PTPRK: variants seen among roughly 807,000 people sequenced by gnomAD.
The protein encoded by PTPRK is protein tyrosine phosphatase receptor type K.
PTPRK carries 75 observed loss-of-function variants against 178.0 expected under a neutral mutation model. That is an observed-to-expected ratio of 0.42 (90% CI 0.35 to 0.51). The LOEUF is 0.51. Ranked by LOEUF, PTPRK falls within the 20% of genes least tolerant of loss-of-function variation. The pLI is 0.02. For synonymous variants in PTPRK, 637 were observed against 620.6 expected (o/e 1.03, Z -0.39); for missense variants, 1,441 against 1,797.8 (o/e 0.80, Z 3.59).
At position 128,082,608 on chromosome 6, in the gene PTPRK, G is replaced by A; in HGVS notation, c.1606C>T (p.Pro536Ser). Residue 536 changes from proline to serine, a missense_variant, in exon 10 of 30, where the codon CCT (proline) becomes TCT (serine). By Grantham distance (74) the Pro-to-Ser change is moderately conservative. Around this residue, in one of 4 missense-constraint regions of PTPRK, gnomAD observed 945 missense variants for 1,080.6 expected, o/e 0.87. Transcript: ENST00000368226. ...GGAGGTCCAGCCACTGGAACTGCAG[G>A]ATCAAATGATCTTATACTGCTATAG... ...ISYSSIRSFD[P>S]AVPVAGPPQT... 1 of 1,610,600 alleles carries A rather than the reference G, an allele frequency of 6.2e-7. No individual in the cohort carries two copies. The highest frequency in any genetic ancestry group is 8.5e-7 in the Non-Finnish European group (1 of 1,177,254).
At chr6:128,015,872 T>C (rs988122479) in intron 13 of PTPRK, among the ~76,000 whole-genome samples, 6 of 151,832 alleles carry the variant, frequency 4.0e-5, no homozygotes, top group African/African-American at 1.4e-4. Flanking sequence ...ACCAGCAGCG[T>C]ATGCCAACCC....
chr6:128,115,731 T>C (rs186062030), intron 7 of PTPRK, among the ~76,000 whole-genome samples: 1 of 152,254 alleles, frequency 6.6e-6, no homozygotes, highest in Non-Finnish European at 1.5e-5. Context: ...ATTTTATTAT[T>C]AGTTTATAAC....
chr6:128,452,465 T>C (rs557619265), intron 1 of PTPRK, among the ~76,000 whole-genome samples: 32 of 152,294 alleles, frequency 2.1e-4, no homozygotes, highest in African/African-American at 7.5e-4. Context: ...TAAAATTATA[T>C]ACCTATACAA....
chr6:128,372,234 T>G (rs1836401476), intron 2 of PTPRK, among the ~76,000 whole-genome samples: 1 of 152,182 alleles, frequency 6.6e-6, no homozygotes, highest in Non-Finnish European at 1.5e-5. Context: ...TGCTAGCAGT[T>G]GCCTATAGCA....
chr6:127,985,005 A>G (rs891654001), intron 22 of PTPRK, among the ~76,000 whole-genome samples: 6 of 152,176 alleles, frequency 3.9e-5, no homozygotes, highest in Admixed American at 2.6e-4. Flanking sequence ...GGTACAACCT[A>G]TTATGTAGCT....
At chr6:128,054,841 G>C (rs1582755746) in intron 13 of PTPRK, among the ~76,000 whole-genome samples, 1 of 152,278 alleles carries the variant, frequency 6.6e-6, no homozygotes, top group East Asian at 1.9e-4. Context: ...CCACGGACTA[G>C]GGGTCAGGAG....
intron 13 of PTPRK, among the ~76,000 whole-genome samples, chr6:128,032,955 C>T (rs997108821): frequency 6.6e-6 from 1 of 152,054 alleles, no homozygotes; most frequent in Non-Finnish European, 1.5e-5. Flanking sequence ...TTTTTGGTAA[C>T]CCAGAGGTAC....
chr6:128,061,938 T>C lies in PTPRK; in HGVS notation c.2194+2820A>G, dbSNP rs1780910621. 3 of 152,174 alleles carry C rather than the reference T, an allele frequency of 2.0e-5. No individual in the cohort carries two copies. The South Asian group carries it at 6.2e-4, about 32-fold the overall frequency. The allele number at this position is 152,174 out of a possible 1,614,324, so 9.4% of individuals were successfully genotyped here. A position where few individuals can be genotyped will look rare whatever the true frequency, so the allele number is the denominator to read the frequency against. On this transcript the variant is annotated intron_variant, in intron 13 of 29. Transcript: ENST00000368226. ...AAGTGCACACATTTTAAATGTACAGTTGGACAGATTTTTACCTACATATGC... is the reference window on the plus strand; with the variant it reads ...AAGTGCACACATTTTAAATGTACAGCTGGACAGATTTTTACCTACATATGC...
At chr6:128,467,609 C>T (rs915832339) in intron 1 of PTPRK, among the ~76,000 whole-genome samples, 1 of 152,210 alleles carries the variant, frequency 6.6e-6, no homozygotes, top group African/African-American at 2.4e-5. Flanking sequence ...CCGGTGATCA[C>T]TTACTTCTCT....
At chr6:128,069,553 T>G (rs912892161) in intron 11 of PTPRK, among the ~76,000 whole-genome samples, 2 of 152,216 alleles carry the variant, frequency 1.3e-5, no homozygotes, top group African/African-American at 2.4e-5. Context: ...ATTATACATT[T>G]GCATGTCCTG....
intron 3 of PTPRK, among the ~76,000 whole-genome samples, chr6:128,277,913 TATGAGAAC>T (rs949498316): frequency 5.3e-5 from 8 of 152,052 alleles, no homozygotes; most frequent in African/African-American, 1.9e-4. Flanking sequence ...ATGGGCATGA[TATGAGAAC>T]ATGAGAACAA....
At chr6:128,345,604 T>C (rs9388629) in intron 2 of PTPRK, among the ~76,000 whole-genome samples, 6,184 of 152,298 alleles carry the variant, frequency 0.041, 393 homozygotes, top group East Asian at 0.33. Flanking sequence ...AATTAGGTTA[T>C]GATGCGAAGC....
chr6:128,124,390 C>G (rs1792992953), intron 7 of PTPRK, among the ~76,000 whole-genome samples: 1 of 152,104 alleles, frequency 6.6e-6, no homozygotes, highest in African/African-American at 2.4e-5. Flanking sequence ...AGTCCTTAAT[C>G]ATATAAACAT....
intron 6 of PTPRK, among the ~76,000 whole-genome samples, chr6:128,199,398 T>C (rs1016428075): frequency 1.3e-5 from 2 of 152,178 alleles, no homozygotes; most frequent in Admixed American, 1.3e-4. Flanking sequence ...TACCTGTTAC[T>C]TATTAATGTT....
chr6:128,052,254 T>C (rs1169422077), intron 13 of PTPRK, among the ~76,000 whole-genome samples: 1 of 152,194 alleles, frequency 6.6e-6, no homozygotes, highest in Non-Finnish European at 1.5e-5. Flanking sequence ...TACTTTAGTA[T>C]TTCCCATAAA....
chr6:128,017,300 C>T (rs1176761458), intron 13 of PTPRK, among the ~76,000 whole-genome samples: 1 of 151,954 alleles, frequency 6.6e-6, no homozygotes, highest in Non-Finnish European at 1.5e-5. Context: ...TTGTACAAGG[C>T]TATTTGTATT....
intron 3 of PTPRK, among the ~76,000 whole-genome samples, chr6:128,281,652 G>A (rs1489634870): frequency 6.6e-6 from 1 of 152,002 alleles, no homozygotes; most frequent in Non-Finnish European, 1.5e-5. Flanking sequence ...ACTGTACCTC[G>A]GTGATTAGAG....
At chr6:128,104,377 C>A (rs902463580) in intron 7 of PTPRK, among the ~76,000 whole-genome samples, 1 of 152,140 alleles carries the variant, frequency 6.6e-6, no homozygotes, top group Admixed American at 6.5e-5. Flanking sequence ...CAGGCACTGG[C>A]CACTACGCCG....
chr6:128,055,154 T>A (rs1779684244), intron 13 of PTPRK, among the ~76,000 whole-genome samples: 1 of 152,196 alleles, frequency 6.6e-6, no homozygotes, highest in Admixed American at 6.5e-5. Context: ...TCAAATTTGA[T>A]CATTATCTTT....
Sources: allele counts gnomAD v4.1 joint callset (sites outside exome capture counted in the v4.1 genomes callset), GRCh38; gene constraint gnomAD v4.1.1; regional missense constraint gnomAD v4.1.1; transcripts MANE v1.5; gene names NCBI Gene and HGNC (gene_info 2026-07-23, HGNC 2026-07-21).